MSRA: variants seen among roughly 807,000 people sequenced by gnomAD.
MSRA encodes mitochondrial peptide methionine sulfoxide reductase.
A neutral mutation model predicts 31.3 loss-of-function variants in MSRA; 54 were observed. The observed-to-expected ratio is 1.73, with a 90% CI of 1.39 to 2.17. MSRA has a LOEUF of 2.17. Among genes scored for constraint, MSRA ranks in the 30% most tolerant of loss-of-function variants. The pLI, the probability that MSRA is intolerant of heterozygous loss-of-function variation, is 0.00. For synonymous variants in MSRA, 169 were observed against 116.5 expected (o/e 1.45, Z -2.90); for missense variants, 507 against 300.9 (o/e 1.69, Z -5.07).
rs754466171 is a variant in MSRA at position 10,428,278 on chromosome 8, C to A, written c.674C>A (p.Thr225Asn). Residue 225 changes from threonine to asparagine, a missense_variant, in exon 6 of 6, where the codon ACC becomes AAC. Physicochemically the swap from Thr to Asn is moderately conservative, Grantham distance 65. Coordinates refer to ENST00000317173, the MANE Select transcript of MSRA (RefSeq NM_012331.5). ...NPNGYCGLGG[T>N]GVSCPVGIKK is the part of the protein sequence containing the mutation. ...AATGGCTACTGCGGCCTTGGGGGCA[C>A]CGGCGTGTCCTGCCCAGTGGGTATT... 2.5e-6 allele frequency: 4 copies of A among 1,613,994 alleles called. No individual in the cohort carries two copies. The highest frequency in any genetic ancestry group is 1.3e-5 in the African/African-American group (1 of 75,018).
At chr8:10,227,634 G>C (rs146501939) in intron 2 of MSRA, among the ~76,000 whole-genome samples, 7 of 152,312 alleles carry the variant, frequency 4.6e-5, no homozygotes, top group African/African-American at 1.7e-4. Flanking sequence ...ATTAATCACA[G>C]TGCAGAGGTA....
chr8:10,142,709 G>A (rs1285850152), intron 1 of MSRA, among the ~76,000 whole-genome samples: 1 of 152,190 alleles, frequency 6.6e-6, no homozygotes, highest in African/African-American at 2.4e-5. Context: ...TGAGTGTGAT[G>A]CTTAAATGTA....
intron 3 of MSRA, among the ~76,000 whole-genome samples, chr8:10,278,072 A>G (rs1198308924): frequency 6.6e-6 from 1 of 152,098 alleles, no homozygotes. Context: ...CTGTCTTGTT[A>G]AACACTTTAT....
chr8:10,082,062 T>C (rs1798323281), intron 1 of MSRA, among the ~76,000 whole-genome samples: 1 of 152,172 alleles, frequency 6.6e-6, no homozygotes, highest in South Asian at 2.1e-4. Flanking sequence ...TGCAATTTCC[T>C]TGGTGTGGTG....
chr8:10,251,940 A>C (rs1178173009), intron 3 of MSRA, among the ~76,000 whole-genome samples: 1 of 152,038 alleles, frequency 6.6e-6, no homozygotes, highest in Non-Finnish European at 1.5e-5. Context: ...CCAATACAAC[A>C]GCTTTCAAAC....
intron 3 of MSRA, among the ~76,000 whole-genome samples, chr8:10,266,076 G>A (rs1413636609): frequency 6.6e-6 from 1 of 152,114 alleles, no homozygotes; most frequent in African/African-American, 2.4e-5. Flanking sequence ...TGTTTGTGTG[G>A]GTGTGTCATT....
In MSRA at chr8:10,131,561, G is replaced by A. The variant is rs542004214; in HGVS notation, c.143-76272G>A. On this transcript the variant is annotated intron_variant, in intron 1 of 5. Coordinates refer to ENST00000317173, the MANE Select transcript of MSRA (RefSeq NM_012331.5). ...CCTGACCGTTGAGAGAATGATCCTG[G>A]ATTTACTGCTCGTTAATGAATGGTT... Among the ~76,000 whole-genome samples the A allele has an allele frequency of 5.9e-5, 9 of 152,296 alleles. No homozygotes were observed. The South Asian group carries it at 1.7e-3, about 28-fold the overall frequency.
At position 10,428,568 on chromosome 8, in the gene MSRA, C is replaced by G; in HGVS notation, c.*256C>G. The G allele has an allele frequency of 4.6e-6, 2 of 438,052 alleles. No individual in the cohort carries two copies. The highest frequency in any genetic ancestry group is 4.1e-5 in the Admixed American group (1 of 24,550). The allele number at this position is 438,052 out of a possible 1,614,324, so 27.1% of individuals were successfully genotyped here. On this transcript the variant is annotated 3_prime_UTR_variant, in exon 6 of 6. Transcript: ENST00000317173. ...TCTTCTGGGGTCTGAGTGAAGATAG[C>G]AGGGATGCTGTGTTCACCCTTCTTG... is the stretch of plus-strand genomic sequence containing the variant.
chr8:10,353,518 T>A, intron 5 of MSRA: 1 of 437,616 alleles, frequency 2.3e-6, no homozygotes, highest in Non-Finnish European at 4.6e-6. Context: ...TGTTAGCAGT[T>A]GGTCCCCTGC....
intron 5 of MSRA, among the ~76,000 whole-genome samples, chr8:10,345,450 G>T (rs922799638): frequency 6.6e-6 from 1 of 152,100 alleles, no homozygotes; most frequent in African/African-American, 2.4e-5. Context: ...TGTACCAAGC[G>T]ATCCAAGGGT....
chr8:10,274,310 T>G (rs548734303), intron 3 of MSRA, among the ~76,000 whole-genome samples: 4 of 152,110 alleles, frequency 2.6e-5, no homozygotes, highest in Admixed American at 2.6e-4. Flanking sequence ...AACAGCTGCC[T>G]GAGGGAGGGA....
At chr8:10,291,059 G>C (rs1800207046) in intron 3 of MSRA, among the ~76,000 whole-genome samples, 1 of 152,126 alleles carries the variant, frequency 6.6e-6, no homozygotes, top group Non-Finnish European at 1.5e-5. Flanking sequence ...CTAGGGAGTG[G>C]CTCACTGCTA....
At chr8:10,378,846 A>C (rs977873824) in intron 5 of MSRA, among the ~76,000 whole-genome samples, 31 of 152,218 alleles carry the variant, frequency 2.0e-4, no homozygotes, top group African/African-American at 7.5e-4. Flanking sequence ...CCACTGCATC[A>C]GACTAACCAC....
At chr8:10,409,679 C>T (rs889200199) in intron 5 of MSRA, among the ~76,000 whole-genome samples, 2 of 152,236 alleles carry the variant, frequency 1.3e-5, no homozygotes, top group Non-Finnish European at 2.9e-5. Context: ...CTAGGCCCTC[C>T]TCGCCCCACC....
At chr8:10,062,324 T>G (rs1354714213) in intron 1 of MSRA, among the ~76,000 whole-genome samples, 1 of 152,240 alleles carries the variant, frequency 6.6e-6, no homozygotes, top group South Asian at 2.1e-4. Flanking sequence ...CTACAAGAGA[T>G]GCTTTCAGGA....
chr8:10,171,991 TG>T (rs1805628604), intron 1 of MSRA, among the ~76,000 whole-genome samples: 1 of 152,212 alleles, frequency 6.6e-6, no homozygotes, highest in South Asian at 2.1e-4. Context: ...GGTTATGAGA[TG>T]GGGGTATATA....
chr8:10,115,712 C>T (rs544994800), intron 1 of MSRA, among the ~76,000 whole-genome samples: 6 of 152,064 alleles, frequency 3.9e-5, no homozygotes, highest in Non-Finnish European at 7.4e-5. Flanking sequence ...GGAGGGCCCA[C>T]GGATCTGCGT....
intron 1 of MSRA, among the ~76,000 whole-genome samples, chr8:10,205,901 G>A (rs549869863): frequency 6.6e-6 from 1 of 152,160 alleles, no homozygotes; most frequent in African/African-American, 2.4e-5. Context: ...TTTAAAACAT[G>A]TTGGGTAATA....
intron 1 of MSRA, among the ~76,000 whole-genome samples, chr8:10,082,623 T>A (rs1798352952): frequency 6.6e-6 from 1 of 152,144 alleles, no homozygotes; most frequent in Non-Finnish European, 1.5e-5. Context: ...AACACTGACC[T>A]CGCATTAAAT....
Sources: gnomAD v4.1 joint callset for allele counts (sites outside exome capture counted in the v4.1 genomes callset) on GRCh38, gnomAD v4.1.1 for gene constraint, MANE v1.5 for transcripts, NCBI Gene and HGNC (gene_info 2026-07-23, HGNC 2026-07-21) for gene names.